The following KMT2C variants were observed in gnomAD, a reference collection of about 807,000 sequenced individuals.
The protein encoded by KMT2C is lysine methyltransferase 2C.
Under a neutral mutation model 507.9 loss-of-function variants are expected in KMT2C, and 88 were observed. The ratio of observed to expected loss-of-function variants is 0.17; its 90% CI spans 0.15 to 0.21. KMT2C has a LOEUF of 0.21. Among genes scored for constraint, KMT2C ranks in the 10% least tolerant of loss-of-function variants. The pLI, the probability that KMT2C is intolerant of heterozygous loss-of-function variation, is 1.00. For missense variants in KMT2C, 4,954 were observed against 5,957.8 expected (o/e 0.83, Z 5.55); for synonymous variants, 2,049 against 2,080.8 (o/e 0.98, Z 0.42).
intron 39 of KMT2C, among the ~76,000 whole-genome samples, chr7:152,172,500 A>G (rs1174282513): frequency 6.6e-6 from 1 of 152,192 alleles, no homozygotes; most frequent in Non-Finnish European, 1.5e-5. Context: ...GTTCAAGAAC[A>G]GCCTGACCAA....
intron 13 of KMT2C, 115 bp downstream of exon 13, chr7:152,249,761 C>T: frequency 5.0e-6 from 1 of 199,564 alleles, no homozygotes; most frequent in Non-Finnish European, 1.0e-5. Context: ...AATCTCTTAA[C>T]TAAAAGATTT....
chr7:152,390,063 G>A (rs1381906750), intron 1 of KMT2C, among the ~76,000 whole-genome samples: 3 of 152,240 alleles, frequency 2.0e-5, no homozygotes, highest in Non-Finnish European at 4.4e-5. Context: ...TTCCAAAAGA[G>A]AAGGTAGAAG....
At chr7:152,218,309 G>GTAAT (rs1362828778) in intron 23 of KMT2C, among the ~76,000 whole-genome samples, 16 of 151,942 alleles carry the variant, frequency 1.1e-4, no homozygotes, top group African/African-American at 3.9e-4. Context: ...GATTACAGGT[G>GTAAT]CCTGCCACCA....
intron 1 of KMT2C, among the ~76,000 whole-genome samples, chr7:152,400,138 C>T (rs577616342): frequency 9.2e-4 from 140 of 152,116 alleles, no homozygotes; most frequent in Middle Eastern, 6.8e-3. Context: ...CGGTGAAACC[C>T]CCTCTCTACT....
At chr7:152,243,409 ATAAAG>A (rs201716675) in intron 14 of KMT2C, among the ~76,000 whole-genome samples, 1 of 152,222 alleles carries the variant, frequency 6.6e-6, no homozygotes, top group Non-Finnish European at 1.5e-5. Flanking sequence ...TTCTTATAAT[ATAAAG>A]TAAACTTCTT....
At chr7:152,150,013 C>G (rs1167824373) in intron 51 of KMT2C, among the ~76,000 whole-genome samples, 2 of 152,174 alleles carry the variant, frequency 1.3e-5, no homozygotes, top group Admixed American at 1.3e-4. Flanking sequence ...ATACTACAAA[C>G]AACTACCTGT....
intron 48 of KMT2C, 134 bp downstream of exon 48, chr7:152,153,876 G>T: frequency 1.2e-6 from 1 of 852,724 alleles, no homozygotes; most frequent in Non-Finnish European, 1.8e-6. Context: ...GAGGTCTGCA[G>T]TGAGCATCAG....
At chr7:152,180,629 T>C in intron 36 of KMT2C, 82 bp downstream of exon 36, 1 of 1,043,172 alleles carries the variant, frequency 9.6e-7, no homozygotes, top group East Asian at 2.4e-5. Context: ...CATTAACTCC[T>C]GTGTAGAAAT....
intron 18 of KMT2C, among the ~76,000 whole-genome samples, chr7:152,224,875 A>C (rs2094880674): frequency 6.6e-6 from 1 of 152,204 alleles, no homozygotes; most frequent in African/African-American, 2.4e-5. Flanking sequence ...TATGCTGTAC[A>C]TTTAATGTCC....
chr7:152,213,922 T>C (rs10237327), intron 23 of KMT2C, among the ~76,000 whole-genome samples: 1,908 of 152,080 alleles, frequency 0.013, 37 homozygotes, highest in African/African-American at 0.044. Context: ...AGGACCTGAA[T>C]AGCCATTTTT....
rs1360080394 is a variant in KMT2C, at chr7:152,220,882, C to T, written c.3500-147G>A. On this transcript the variant is annotated intron_variant, in intron 22 of 58. Transcript: ENST00000262189. ...TATGAAATGCATGAATAATTAACTT[C>T]ATGATACCCAATAAAAACTATGAAC... 33 of 630,576 alleles carry T rather than the reference C, an allele frequency of 5.2e-5. No individual in the cohort carries two copies. In the Admixed American group the frequency reaches 9.4e-4, roughly 18 times the overall value. 39.1% of individuals were successfully genotyped at this position (630,576 alleles called of 1,614,324 possible).
intron 18 of KMT2C, among the ~76,000 whole-genome samples, chr7:152,226,282 G>A (rs2094930962): frequency 7.2e-6 from 1 of 139,708 alleles, no homozygotes; most frequent in Non-Finnish European, 1.5e-5. Flanking sequence ...GCCTAGGCTG[G>A]AGTGCAGTGG....
At chr7:152,327,658 A>G (rs1348428740) in intron 3 of KMT2C, among the ~76,000 whole-genome samples, 1 of 152,132 alleles carries the variant, frequency 6.6e-6, no homozygotes, top group Non-Finnish European at 1.5e-5. Context: ...AGAATTCATT[A>G]TTCATTAAAA....
At chr7:152,391,543 CTTTTTTTT>C in intron 1 of KMT2C, among the ~76,000 whole-genome samples, 1 of 97,226 alleles carries the variant, frequency 1.0e-5, no homozygotes, top group African/African-American at 4.0e-5. Flanking sequence ...CATGCCCGGC[CTTTTTTTT>C]TTTTTTTTTT....
intron 41 of KMT2C, among the ~76,000 whole-genome samples, chr7:152,168,917 A>G (rs984727267): frequency 2.0e-5 from 3 of 152,222 alleles, no homozygotes; most frequent in Middle Eastern, 3.2e-3. Context: ...GTATACAAAA[A>G]CAGCAACAAT....
chr7:152,419,585 T>C (rs1311529880), intron 1 of KMT2C, among the ~76,000 whole-genome samples: 1 of 152,194 alleles, frequency 6.6e-6, no homozygotes, highest in East Asian at 1.9e-4. Context: ...CTAACACAGA[T>C]ACAATGTCAT....
intron 1 of KMT2C, among the ~76,000 whole-genome samples, chr7:152,372,493 C>A (rs1186338745): frequency 6.6e-6 from 1 of 152,062 alleles, no homozygotes; most frequent in Non-Finnish European, 1.5e-5. Flanking sequence ...CTATATGCTG[C>A]CTACAAGAGA....
rs2270234 is a variant in KMT2C, at chr7:152,177,655, G to A, written c.7798C>T (p.Pro2600Ser). The change falls in exon 38 of 59, where the codon CCG becomes TCG. Residue 2600 changes from proline (P) to serine (S), a missense_variant. By Grantham distance (74) the Pro-to-Ser change is moderately conservative. This residue lies in a region of KMT2C where 1,689 missense variants were observed against 1,654.3 expected (regional missense o/e 1.02). Transcript: ENST00000262189. ...ATGGGGTCTGTGTGTCTAGGGCCCGGAAAGTCTGGCCGGGGAATGAAGTTT... is the reference window on the plus strand; with the variant it reads ...ATGGGGTCTGTGTGTCTAGGGCCCGAAAAGTCTGGCCGGGGAATGAAGTTT... ...HGNFIPRPDF[P>S]GPRHTDPMRR... The A allele has an allele frequency of 6.2e-7, 1 of 1,614,176 alleles. No homozygotes were observed. The highest frequency in any genetic ancestry group is 8.5e-7 in the Non-Finnish European group (1 of 1,180,034).
intron 31 of KMT2C, among the ~76,000 whole-genome samples, chr7:152,188,862 G>C (rs2093706221): frequency 6.6e-6 from 1 of 152,042 alleles, no homozygotes; most frequent in Non-Finnish European, 1.5e-5. Flanking sequence ...ACCCACCTCA[G>C]CCTCCCAAAG....
Sources: gnomAD v4.1 joint callset for allele counts (sites outside exome capture counted in the v4.1 genomes callset) on GRCh38, gnomAD v4.1.1 for gene constraint, gnomAD v4.1.1 regional missense constraint, MANE v1.5 for transcripts, NCBI Gene and HGNC (gene_info 2026-07-23, HGNC 2026-07-21) for gene names.